The following ZCWPW2 variants were observed in gnomAD, a reference collection of about 807,000 sequenced individuals.
ZCWPW2 encodes zinc finger CW-type and PWWP domain containing 2, also known as zinc finger CW-type PWWP domain protein 2.
Under a neutral mutation model 46.6 loss-of-function variants are expected in ZCWPW2, and 45 were observed. The ratio of observed to expected loss-of-function variants is 0.96; its 90% CI spans 0.76 to 1.24. ZCWPW2 has a LOEUF of 1.24. Among genes scored for constraint, ZCWPW2 ranks in the 50% most tolerant of loss-of-function variants. The pLI, the probability that ZCWPW2 is intolerant of heterozygous loss-of-function variation, is 0.00. For missense variants in ZCWPW2, 429 were observed against 403.9 expected (o/e 1.06, Z -0.53); for synonymous variants, 152 against 137.1 (o/e 1.11, Z -0.76).
intron 8 of ZCWPW2, among the ~76,000 whole-genome samples, chr3:28,519,265 A>C (rs1042609927): frequency 2.0e-5 from 3 of 152,320 alleles, no homozygotes; most frequent in South Asian, 2.1e-4. Flanking sequence ...CATAGAGAAA[A>C]CCTGAAATTG....
chr3:28,472,910 A>C (rs1306613205), intron 4 of ZCWPW2, among the ~76,000 whole-genome samples: 1 of 152,170 alleles, frequency 6.6e-6, no homozygotes, highest in Non-Finnish European at 1.5e-5. Flanking sequence ...CTAATAAAAA[A>C]ATGGGCAAAC....
intron 4 of ZCWPW2, among the ~76,000 whole-genome samples, chr3:28,448,784 CAAAAAAAAAAAAAAAAAAAA>C (rs576935771): frequency 2.0e-4 from 13 of 65,342 alleles, no homozygotes; most frequent in Middle Eastern, 8.1e-3. Context: ...GACTCTGTCT[CAAAAAAAAAAAAAAAAAAAA>C]AAAAAAAAAA....
intron 3 of ZCWPW2, among the ~76,000 whole-genome samples, chr3:28,424,317 T>C (rs1216514881): frequency 2.0e-5 from 3 of 151,956 alleles, no homozygotes; most frequent in African/African-American, 7.3e-5. Flanking sequence ...CTATCACTTA[T>C]GGTTATGGAC....
At chr3:28,511,119 G>A (rs1423912297) in intron 6 of ZCWPW2, 2 of 451,898 alleles carry the variant, frequency 4.4e-6, no homozygotes, top group Admixed American at 4.8e-5. Flanking sequence ...AGAGAGAAGA[G>A]GGGAAGAGGT....
intron 3 of ZCWPW2, among the ~76,000 whole-genome samples, chr3:28,414,215 AT>A (rs201368012): frequency 1.0e-4 from 15 of 149,252 alleles, no homozygotes; most frequent in African/African-American, 2.5e-4. Flanking sequence ...TATAAATTTA[AT>A]TTTTTTTCTT....
At chr3:28,419,866 T>C (rs1277469872) in intron 3 of ZCWPW2, among the ~76,000 whole-genome samples, 1 of 111,750 alleles carries the variant, frequency 8.9e-6, no homozygotes, top group African/African-American at 3.5e-5. Flanking sequence ...TAGGTGGGAA[T>C]TGAACAATGA....
At chr3:28,368,285 G>A (rs1237337910) in intron 1 of ZCWPW2, among the ~76,000 whole-genome samples, 3 of 152,100 alleles carry the variant, frequency 2.0e-5, no homozygotes, top group Non-Finnish European at 2.9e-5. Context: ...GGCTGGTACC[G>A]ATTGTTCCTT....
At chr3:28,454,035 G>A (rs902083974) in intron 4 of ZCWPW2, among the ~76,000 whole-genome samples, 1 of 151,248 alleles carries the variant, frequency 6.6e-6, no homozygotes, top group Non-Finnish European at 1.5e-5. Context: ...TAGTAGAGAC[G>A]GGGTTTCACC....
chr3:28,437,599 A>G (rs187019713), intron 4 of ZCWPW2, among the ~76,000 whole-genome samples: 7 of 152,330 alleles, frequency 4.6e-5, no homozygotes, highest in Admixed American at 4.6e-4. Context: ...AGAGCACAAC[A>G]GTACTCAGTC....
chr3:28,516,480 G>A (rs1201793523), intron 8 of ZCWPW2, among the ~76,000 whole-genome samples: 1 of 152,048 alleles, frequency 6.6e-6, no homozygotes, highest in Non-Finnish European at 1.5e-5. Context: ...AATGTGGAAT[G>A]CAGGGAGAAA....
intron 6 of ZCWPW2, among the ~76,000 whole-genome samples, chr3:28,497,359 G>T (rs1700020307): frequency 6.6e-6 from 1 of 151,570 alleles, no homozygotes. Context: ...AACAAATATA[G>T]ACCTGTTTTT....
At chr3:28,408,062 C>T (rs984284663) in intron 2 of ZCWPW2, among the ~76,000 whole-genome samples, 13 of 152,178 alleles carry the variant, frequency 8.5e-5, no homozygotes, top group South Asian at 2.1e-4. Flanking sequence ...CTGGATAAAA[C>T]GTATCAAATC....
chr3:28,474,620 T>TGTGTCC (rs777191108), intron 4 of ZCWPW2, among the ~76,000 whole-genome samples: 3 of 121,630 alleles, frequency 2.5e-5, no homozygotes, highest in African/African-American at 8.5e-5. Context: ...TGTGTGTGTG[T>TGTGTCC]GCGCGCGCGC....
intron 6 of ZCWPW2, among the ~76,000 whole-genome samples, chr3:28,513,733 T>A (rs954182612): frequency 6.6e-6 from 1 of 152,172 alleles, no homozygotes; most frequent in Non-Finnish European, 1.5e-5. Flanking sequence ...GCATTTGATT[T>A]TTTTTTCTTT....
intron 1 of ZCWPW2, among the ~76,000 whole-genome samples, chr3:28,371,022 A>G (rs921328162): frequency 5.3e-5 from 8 of 151,668 alleles, no homozygotes; most frequent in African/African-American, 1.9e-4. Flanking sequence ...GTGAACCACC[A>G]TGCCCAATAA....
At chr3:28,424,183 A>C (rs112275944) in intron 3 of ZCWPW2, among the ~76,000 whole-genome samples, 1,934 of 151,850 alleles carry the variant, frequency 0.013, 66 homozygotes, top group African/African-American at 0.044. Flanking sequence ...CCATGAAGAA[A>C]ATAGGATGTT....
intron 1 of ZCWPW2, among the ~76,000 whole-genome samples, chr3:28,370,201 C>A (rs1252615595): frequency 6.6e-6 from 1 of 152,184 alleles, no homozygotes; most frequent in Non-Finnish European, 1.5e-5. Context: ...TGAGATGAAC[C>A]TGGTACCTCA....
intron 1 of ZCWPW2, among the ~76,000 whole-genome samples, chr3:28,372,066 C>G (rs1705353643): frequency 6.6e-6 from 1 of 151,500 alleles, no homozygotes; most frequent in South Asian, 2.1e-4. Flanking sequence ...CTCCTTCTTC[C>G]TCCTTTCTTC....
chr3:28,388,593 C>G (rs1202056139), intron 1 of ZCWPW2, among the ~76,000 whole-genome samples: 1 of 152,066 alleles, frequency 6.6e-6, no homozygotes, highest in Non-Finnish European at 1.5e-5. Flanking sequence ...TCTTATATTA[C>G]AAGATAATGG....
Sources: allele counts gnomAD v4.1 joint callset (sites outside exome capture counted in the v4.1 genomes callset), GRCh38; gene constraint gnomAD v4.1.1; transcripts MANE v1.5; gene names NCBI Gene and HGNC (gene_info 2026-07-23, HGNC 2026-07-21).